Variants in NXPH2 observed in about 807,000 individuals in gnomAD.
NXPH2 encodes neurexophilin-2.
Under a neutral mutation model 19.8 loss-of-function variants are expected in NXPH2, and 5 were observed. The observed-to-expected ratio is 0.25, with a 90% CI of 0.13 to 0.53. The LOEUF is 0.53. Ranked by LOEUF, NXPH2 falls within the 20% of genes least tolerant of loss-of-function variation. NXPH2 has a pLI of 0.96. For missense variants in NXPH2, 289 were observed against 322.8 expected (o/e 0.90, Z 0.80); for synonymous variants, 154 against 127.4 (o/e 1.21, Z -1.41).
intron 1 of NXPH2, among the ~76,000 whole-genome samples, chr2:138,714,777 A>G (rs939962271): frequency 1.3e-5 from 2 of 152,364 alleles, no homozygotes; most frequent in East Asian, 3.9e-4. Context: ...AGAACACAAG[A>G]GCAAAAAGTC....
intron 1 of NXPH2, among the ~76,000 whole-genome samples, chr2:138,689,508 G>C (rs1201936905): frequency 1.3e-5 from 2 of 152,158 alleles, no homozygotes; most frequent in Admixed American, 1.3e-4. Flanking sequence ...TTGCCAAGGA[G>C]GGAGCAAGCT....
rs1303129201 is a variant in NXPH2 at position 138,778,734 on chromosome 2, T to G, written c.51+1457A>C. Among the ~76,000 whole-genome samples, 5 of 152,214 alleles carry G rather than the reference T, an allele frequency of 3.3e-5. No individual in the cohort carries two copies. In the East Asian group the frequency reaches 9.6e-4, roughly 29 times the overall value. On this transcript the variant is annotated intron_variant, in intron 1 of 1. Coordinates refer to ENST00000272641, the MANE Select transcript of NXPH2 (RefSeq NM_007226.3). ...TTTTATTAGAATCCAGACTAAAAAA[T>G]TTTAAAGCAAGGGATACTAAAGATT...
At chr2:138,743,402 A>G (rs1036896303) in intron 1 of NXPH2, among the ~76,000 whole-genome samples, 1 of 152,256 alleles carries the variant, frequency 6.6e-6, no homozygotes, top group Non-Finnish European at 1.5e-5. Context: ...TGGAAACATT[A>G]TGGTAAGTGA....
At chr2:138,749,142 A>T (rs140965369) in intron 1 of NXPH2, among the ~76,000 whole-genome samples, 1 of 152,292 alleles carries the variant, frequency 6.6e-6, no homozygotes, top group Non-Finnish European at 1.5e-5. Context: ...CTATTATCAC[A>T]ATAGTGAGTG....
intron 1 of NXPH2, among the ~76,000 whole-genome samples, chr2:138,720,144 CTT>C (rs1262153860): frequency 6.7e-6 from 1 of 148,788 alleles, no homozygotes; most frequent in Non-Finnish European, 1.5e-5. Context: ...AAAAAAAAAA[CTT>C]GAAAAAAAAA....
chr2:138,698,508 G>T (rs1255179385), intron 1 of NXPH2, among the ~76,000 whole-genome samples: 2 of 152,032 alleles, frequency 1.3e-5, no homozygotes, highest in Non-Finnish European at 2.9e-5. Context: ...TAAGACTCAG[G>T]AACTAAAATA....
intron 1 of NXPH2, among the ~76,000 whole-genome samples, chr2:138,689,228 T>A (rs1680708332): frequency 6.6e-6 from 1 of 152,206 alleles, no homozygotes; most frequent in Admixed American, 6.5e-5. Flanking sequence ...AGAAGAGCCA[T>A]GCTTGAACAA....
intron 1 of NXPH2, among the ~76,000 whole-genome samples, chr2:138,688,160 C>A (rs1293069071): frequency 2.0e-5 from 3 of 152,126 alleles, no homozygotes; most frequent in African/African-American, 7.2e-5. Flanking sequence ...ATTGATTCTT[C>A]CTATCCATGA....
At position 138,676,958 on chromosome 2, in the gene NXPH2, G is replaced by T. The variant is rs557893956; in HGVS notation, c.52-5293C>A. 2.0e-5 allele frequency among the ~76,000 whole-genome samples: 3 copies of T among 152,324 alleles called. No individual in the cohort carries two copies. In the South Asian group the frequency reaches 6.2e-4, roughly 32 times the overall value. On this transcript the variant is annotated intron_variant, in intron 1 of 1. Transcript: ENST00000272641. ...TGAGCTCTCTTTGCCAACAAAATGT[G>T]TTTGTAGATCTTTGATTCCAATCTA...
intron 1 of NXPH2, among the ~76,000 whole-genome samples, chr2:138,690,371 G>A (rs1486484572): frequency 2.0e-5 from 3 of 152,006 alleles, no homozygotes. Flanking sequence ...TGCTTCACAC[G>A]CAGCATCCAG....
intron 1 of NXPH2, among the ~76,000 whole-genome samples, chr2:138,706,855 A>T (rs578205998): frequency 2.6e-5 from 4 of 152,052 alleles, no homozygotes; most frequent in African/African-American, 9.6e-5. Context: ...GTGAGCTATG[A>T]TTGCACCATT....
chr2:138,735,237 AT>A (rs1429731348), intron 1 of NXPH2, among the ~76,000 whole-genome samples: 7 of 152,120 alleles, frequency 4.6e-5, no homozygotes, highest in Non-Finnish European at 1.5e-5. Flanking sequence ...TATAGTTGGT[AT>A]TCTATGATGG....
intron 1 of NXPH2, among the ~76,000 whole-genome samples, chr2:138,750,385 CA>C (rs1681811191): frequency 6.6e-6 from 1 of 151,658 alleles, no homozygotes; most frequent in Admixed American, 6.6e-5. Context: ...GGGGCATAAG[CA>C]AATGAAGGAT....
rs1680397067 is a variant in NXPH2 at position 138,670,470 on chromosome 2, A to G, written c.*452T>C. ...ATAGAAATATAAAAAAAAGGGTCCA[A>G]TGTCAAAAACACAATTCATCTATCA... On this transcript the variant is annotated 3_prime_UTR_variant, in exon 2 of 2. Coordinates refer to ENST00000272641, the MANE Select transcript of NXPH2 (RefSeq NM_007226.3). Among the ~76,000 whole-genome samples the G allele has an allele frequency of 6.6e-6, 1 of 152,218 alleles. No individual in the cohort carries two copies. The highest frequency in any genetic ancestry group is 1.5e-5 in the Non-Finnish European group (1 of 68,040).
At chr2:138,673,786 ATTTCTTCCATC>A (rs1385124091) in intron 1 of NXPH2, among the ~76,000 whole-genome samples, 15 of 151,142 alleles carry the variant, frequency 9.9e-5, no homozygotes, top group Non-Finnish European at 1.3e-4. Context: ...ACTAGAACTT[ATTTCTTCCATC>A]TAACTGTGTT....
intron 1 of NXPH2, among the ~76,000 whole-genome samples, chr2:138,711,284 G>A (rs777292233): frequency 9.9e-5 from 15 of 151,710 alleles, no homozygotes; most frequent in Non-Finnish European, 1.3e-4. Flanking sequence ...GGGATTACAG[G>A]CACCCACCAC....
intron 1 of NXPH2, among the ~76,000 whole-genome samples, chr2:138,728,793 T>TGGCACACATCAGTAAAAC (rs1681400314): frequency 6.6e-6 from 1 of 152,168 alleles, no homozygotes; most frequent in Non-Finnish European, 1.5e-5. Context: ...TAGAGTAAAA[T>TGGCACACATCAGTAAAAC]GGCACACATC....
At chr2:138,760,582 TC>T (rs1307522067) in intron 1 of NXPH2, among the ~76,000 whole-genome samples, 1 of 152,176 alleles carries the variant, frequency 6.6e-6, no homozygotes, top group Non-Finnish European at 1.5e-5. Context: ...TAGAACTAGC[TC>T]CCTTTAGGCT....
At chr2:138,718,977 A>T (rs1681235873) in intron 1 of NXPH2, among the ~76,000 whole-genome samples, 1 of 152,162 alleles carries the variant, frequency 6.6e-6, no homozygotes, top group African/African-American at 2.4e-5. Context: ...TGGGGGAGGA[A>T]GAGGAAAATG....
Sources: allele counts gnomAD v4.1 joint callset (sites outside exome capture counted in the v4.1 genomes callset), GRCh38; gene constraint gnomAD v4.1.1; transcripts MANE v1.5; gene names NCBI Gene and HGNC (gene_info 2026-07-23, HGNC 2026-07-21).